USP18: variants seen among roughly 807,000 people sequenced by gnomAD.
USP18 encodes ubiquitin specific peptidase 18, also known as ubl carboxyl-terminal hydrolase 18.
In USP18, 11 loss-of-function variants were observed where a neutral mutation model predicts 48.7. The ratio of observed to expected loss-of-function variants is 0.23; its 90% CI spans 0.14 to 0.37. USP18 has a LOEUF of 0.37. USP18 is among the 10% of genes least tolerant of loss of function. The pLI is 1.00. For synonymous variants in USP18, 114 were observed against 163.2 expected, an observed-to-expected ratio of 0.70 and a Z score of 2.30; for missense variants, 285 against 436.4, an observed-to-expected ratio of 0.65 and a Z score of 3.09.
intron 7 of USP18, among the ~76,000 whole-genome samples, chr22:18,170,446 A>C (rs1321444507): frequency 6.6e-6 from 1 of 152,228 alleles, no homozygotes; most frequent in Non-Finnish European, 1.5e-5. Context: ...GCCTGAGAGC[A>C]GCCGGCAGGG....
At chr22:18,165,710 A>T (rs1246247441) in intron 4 of USP18, among the ~76,000 whole-genome samples, 1 of 151,628 alleles carries the variant, frequency 6.6e-6, no homozygotes, top group Non-Finnish European at 1.5e-5. Flanking sequence ...CCCAAAGCAT[A>T]CCCACCAGGG....
At chr22:18,153,593 TTTA>T (rs1929054195) in intron 1 of USP18, among the ~76,000 whole-genome samples, 1 of 152,122 alleles carries the variant, frequency 6.6e-6, no homozygotes, top group East Asian at 1.9e-4. Context: ...CTAGGCTAAT[TTTA>T]TTTTTATTTT....
At chr22:18,168,723 C>G (rs1024419223) in intron 6 of USP18, among the ~76,000 whole-genome samples, 2 of 152,112 alleles carry the variant, frequency 1.3e-5, no homozygotes, top group Non-Finnish European at 2.9e-5. Context: ...TCCATACAGC[C>G]ACACTGGGGA....
At chr22:18,175,840 A>T (rs1463251480) in intron 10 of USP18, among the ~76,000 whole-genome samples, 1 of 150,276 alleles carries the variant, frequency 6.7e-6, no homozygotes, top group South Asian at 2.1e-4. Context: ...ATAGCTAGGC[A>T]TGGTGGTACA....
chr22:18,168,461 A>G (rs1476784613), intron 6 of USP18, among the ~76,000 whole-genome samples: 1 of 151,548 alleles, frequency 6.6e-6, no homozygotes, highest in East Asian at 2.0e-4. Context: ...CAGTGGCACA[A>G]TCTCAGCTCA....
chr22:18,154,650 G>A (rs1462941820), intron 1 of USP18, among the ~76,000 whole-genome samples: 2 of 151,742 alleles, frequency 1.3e-5, no homozygotes, highest in Non-Finnish European at 2.9e-5. Flanking sequence ...TATGTTGCCC[G>A]GGCTAGTCTT....
At chr22:18,155,556 G>A (rs1204003647) in intron 1 of USP18, among the ~76,000 whole-genome samples, 3 of 152,210 alleles carry the variant, frequency 2.0e-5, no homozygotes, top group East Asian at 1.9e-4. Flanking sequence ...GGGGCTGCAC[G>A]CGGTGCTTGT....
intron 7 of USP18, among the ~76,000 whole-genome samples, chr22:18,170,152 C>T (rs958590695): frequency 5.3e-5 from 8 of 151,008 alleles, no homozygotes; most frequent in Admixed American, 1.3e-4. Flanking sequence ...ATGTGGAACT[C>T]GTGCCTATGG....
chr22:18,165,672 T>C lies in USP18; in HGVS notation c.401-1583T>C, dbSNP rs149922021. ...ACGGGCAAGTTCTTCCAGCTGATCT[T>C]TCCTGAGACTTGGCAGTAGATTTGC... On this transcript the variant is annotated intron_variant, in intron 4 of 10. Transcript: ENST00000215794. Among the ~76,000 whole-genome samples the C allele has an allele frequency of 3.7e-3, 567 of 152,142 alleles. 2 individuals carry two copies. The highest frequency in any genetic ancestry group is 0.013 in the African/African-American group (528 of 41,516).
chr22:18,152,304 C>T (rs2049337768), intron 1 of USP18, among the ~76,000 whole-genome samples: 1 of 151,922 alleles, frequency 6.6e-6, no homozygotes, highest in African/African-American at 2.4e-5. Context: ...CCCAGGTTTT[C>T]TGCAGCTTGT....
At chr22:18,157,242 G>T (rs1929183413) in intron 1 of USP18, among the ~76,000 whole-genome samples, 9 of 152,266 alleles carry the variant, frequency 5.9e-5, no homozygotes. Flanking sequence ...GAGAGTTCTT[G>T]CTTAGTGCTG....
At chr22:18,156,812 G>A (rs1351136819) in intron 1 of USP18, among the ~76,000 whole-genome samples, 1 of 152,176 alleles carries the variant, frequency 6.6e-6, no homozygotes, top group Non-Finnish European at 1.5e-5. Context: ...CACTCACTGC[G>A]AGGGTCCACG....
intron 3 of USP18, among the ~76,000 whole-genome samples, chr22:18,160,972 GT>G (rs1929315316): frequency 6.6e-6 from 1 of 151,964 alleles, no homozygotes; most frequent in Admixed American, 6.6e-5. Context: ...TTTTCACCAT[GT>G]TGGCCAGGCT....
chr22:18,152,079 GA>G (rs1321630543), intron 1 of USP18, among the ~76,000 whole-genome samples: 1 of 152,104 alleles, frequency 6.6e-6, no homozygotes, highest in Non-Finnish European at 1.5e-5. Flanking sequence ...AATAAAAAAA[GA>G]AAAAAGAAAT....
At chr22:18,162,288 T>G (rs1364976141) in intron 4 of USP18, among the ~76,000 whole-genome samples, 1 of 113,266 alleles carries the variant, frequency 8.8e-6, no homozygotes, top group Non-Finnish European at 1.8e-5. Flanking sequence ...ATAGGTTAGG[T>G]TTTTTTTTTT....
intron 1 of USP18, among the ~76,000 whole-genome samples, chr22:18,150,725 G>A (rs1362955670): frequency 1.3e-5 from 2 of 152,218 alleles, no homozygotes; most frequent in Non-Finnish European, 2.9e-5. Context: ...CAGCACTTTG[G>A]GAGATCGAGG....
chr22:18,167,711 A>G (rs904988607), intron 5 of USP18, among the ~76,000 whole-genome samples, 179 bp from the exon 6 acceptor site: 10 of 151,508 alleles, frequency 6.6e-5, no homozygotes, highest in South Asian at 6.3e-4. Flanking sequence ...AAAAAAAAAA[A>G]AAAAAAGAAA....
intron 4 of USP18, among the ~76,000 whole-genome samples, chr22:18,164,219 C>T (rs971453264): frequency 6.6e-6 from 1 of 151,936 alleles, no homozygotes; most frequent in Non-Finnish European, 1.5e-5. Context: ...GTTTCCTGCT[C>T]TGTCAGCTCC....
intron 1 of USP18, among the ~76,000 whole-genome samples, chr22:18,155,535 G>A (rs1038006099): frequency 1.4e-4 from 22 of 152,206 alleles, no homozygotes; most frequent in African/African-American, 5.1e-4. Flanking sequence ...GGAGAGGCAG[G>A]GGCGGGAACT....
Sources: gnomAD v4.1 joint callset for allele counts (sites outside exome capture counted in the v4.1 genomes callset) on GRCh38, gnomAD v4.1.1 for gene constraint, MANE v1.5 for transcripts, NCBI Gene and HGNC (gene_info 2026-07-23, HGNC 2026-07-21) for gene names.